SLC4A10: variants seen among roughly 807,000 people sequenced by gnomAD.
The protein encoded by SLC4A10 is sodium-driven chloride bicarbonate exchanger.
Under a neutral mutation model 137.7 loss-of-function variants are expected in SLC4A10, and 42 were observed. That is an observed-to-expected ratio of 0.30 (90% CI 0.24 to 0.39). SLC4A10 has a LOEUF of 0.39. Ranked by LOEUF, SLC4A10 falls within the 10% of genes least tolerant of loss-of-function variation. SLC4A10 has a pLI of 1.00. For synonymous variants in SLC4A10, 474 were observed against 464.1 expected, an observed-to-expected ratio of 1.02 and a Z score of -0.27; for missense variants, 925 against 1,355.0, an observed-to-expected ratio of 0.68 and a Z score of 4.98.
At chr2:161,842,362 A>T (rs1219298282) in intron 4 of SLC4A10, among the ~76,000 whole-genome samples, 2 of 152,154 alleles carry the variant, frequency 1.3e-5, no homozygotes, top group Non-Finnish European at 2.9e-5. Flanking sequence ...AACTGCTTAA[A>T]ATGTCTTTTC....
At chr2:161,646,785 A>T (rs894050965) in intron 1 of SLC4A10, among the ~76,000 whole-genome samples, 2 of 152,040 alleles carry the variant, frequency 1.3e-5, no homozygotes, top group Non-Finnish European at 2.9e-5. Flanking sequence ...AGTGCCATAG[A>T]TATTTTTTAT....
chr2:161,791,678 C>A (rs1209891402), intron 2 of SLC4A10, among the ~76,000 whole-genome samples: 1 of 152,178 alleles, frequency 6.6e-6, no homozygotes, highest in African/African-American at 2.4e-5. Flanking sequence ...AGAATTAACT[C>A]TCAGATGTTC....
intron 4 of SLC4A10, 25 bp downstream of exon 4, chr2:161,839,952 A>G (rs1403252079): frequency 6.2e-7 from 1 of 1,611,028 alleles, no homozygotes; most frequent in Non-Finnish European, 8.5e-7. Flanking sequence ...TAAAGGGTGA[A>G]GGTATACTAA....
At chr2:161,720,121 C>T (rs546255627) in intron 1 of SLC4A10, among the ~76,000 whole-genome samples, 7 of 152,066 alleles carry the variant, frequency 4.6e-5, no homozygotes, top group African/African-American at 7.2e-5. Context: ...ATGGCTAGCC[C>T]GTTTTCCCAG....
At position 161,949,079 on chromosome 2, in the gene SLC4A10, G is replaced by A; in HGVS notation, c.2266-69G>A. 3 of 977,244 alleles carry A rather than the reference G, an allele frequency of 3.1e-6. No individual in the cohort carries two copies. In the South Asian group the frequency reaches 4.2e-5, roughly 14 times the overall value. The allele number at this position is 977,244 out of a possible 1,614,324, so 60.5% of individuals were successfully genotyped here. ...AAAGTGTTTATAAAGTGTGACTCTAGATTATGTTCCTGAGTATTCCTTGAT... is the reference window on the plus strand; with the variant it reads ...AAAGTGTTTATAAAGTGTGACTCTAAATTATGTTCCTGAGTATTCCTTGAT... On this transcript the variant is annotated intron_variant, in intron 17 of 26. Coordinates refer to ENST00000446997, the MANE Select transcript of SLC4A10 (RefSeq NM_001178015.2).
chr2:161,897,017 T>C (rs2063576631), intron 11 of SLC4A10, among the ~76,000 whole-genome samples: 1 of 152,104 alleles, frequency 6.6e-6, no homozygotes. Flanking sequence ...GACTTAATCA[T>C]ATTATATAGA....
At position 161,851,433 on chromosome 2, in the gene SLC4A10, C is replaced by T. The variant is rs148849167; in HGVS notation, c.417-3537C>T. ...TATATATTTAGGATAGTTAAGTCTT[C>T]TTGTTTAATTGAACACTTTATTTTT... On this transcript the variant is annotated intron_variant, in intron 4 of 26. Coordinates refer to ENST00000446997, the MANE Select transcript of SLC4A10 (RefSeq NM_001178015.2). Among the ~76,000 whole-genome samples the T allele has an allele frequency of 3.5e-3, 534 of 152,250 alleles. 3 individuals carry two copies. The highest frequency in any genetic ancestry group is 0.011 in the African/African-American group (462 of 41,542).
chr2:161,737,892 C>T (rs28818009), intron 1 of SLC4A10, among the ~76,000 whole-genome samples: 1,859 of 152,182 alleles, frequency 0.012, 32 homozygotes, highest in African/African-American at 0.042. Context: ...GGATAGAACA[C>T]GAAAAACATG....
rs1482998680 is a variant in SLC4A10, at chr2:161,957,084, C to T, written c.2637C>T (p.Val879=). The change falls in exon 20 of 27, where the codon GTC becomes GTT. Residue 879 remains valine, a synonymous_variant. Coordinates refer to ENST00000446997, the MANE Select transcript of SLC4A10 (RefSeq NM_001178015.2). Reference sequence around the variant, plus strand: ...TGCCATGGTTTGTGGCTGCCACAGTCCTCTCCATCACTCATGTCAATAGCC... The same window carrying T: ...TGCCATGGTTTGTGGCTGCCACAGTTCTCTCCATCACTCATGTCAATAGCC... ...MGLPWFVAAT[V]LSITHVNSLK... is the part of the protein sequence containing the mutation. The T allele has an allele frequency of 6.2e-7, 1 of 1,613,132 alleles. No individual in the cohort carries two copies. Among genetic ancestry groups the T allele is most frequent in the African/African-American group, 1.3e-5 (1 of 74,878 alleles).
chr2:161,766,562 C>T (rs900539360), intron 1 of SLC4A10, among the ~76,000 whole-genome samples: 9 of 152,226 alleles, frequency 5.9e-5, no homozygotes, highest in African/African-American at 1.9e-4. Flanking sequence ...TAGCTTTTGG[C>T]ATTCTGCCTA....
At chr2:161,910,146 T>A (rs956679192) in intron 15 of SLC4A10, among the ~76,000 whole-genome samples, 8 of 152,154 alleles carry the variant, frequency 5.3e-5, no homozygotes, top group Non-Finnish European at 1.2e-4. Context: ...TATTTCAGAT[T>A]TTTTATACTT....
At chr2:161,943,740 G>T (rs1412788943) in intron 16 of SLC4A10, among the ~76,000 whole-genome samples, 1 of 151,782 alleles carries the variant, frequency 6.6e-6, no homozygotes, top group Non-Finnish European at 1.5e-5. Flanking sequence ...ACCCATATAG[G>T]CTCAAGTTTT....
At chr2:161,736,823 T>A (rs1269397007) in intron 1 of SLC4A10, among the ~76,000 whole-genome samples, 3 of 152,140 alleles carry the variant, frequency 2.0e-5, no homozygotes, top group African/African-American at 7.2e-5. Flanking sequence ...GTCATCTCTC[T>A]TAAACATCCT....
Position 161,828,301 on chromosome 2 carries a change from T to C in SLC4A10, c.278-11488T>C, listed in dbSNP as rs189781748. On this transcript the variant is annotated intron_variant, in intron 3 of 26. Transcript: ENST00000446997. ...CATGACTCACTTGTTCCTTTACTTC[T>C]GCCTGCAGATCTGCTTTTTGGAATT... is the stretch of plus-strand genomic sequence containing the variant. 2.6e-5 allele frequency among the ~76,000 whole-genome samples: 4 copies of C among 152,278 alleles called. No homozygotes were observed. In the East Asian group the frequency reaches 7.7e-4, roughly 29 times the overall value.
chr2:161,905,524 G>T, intron 14 of SLC4A10, 118 bp from the exon 15 acceptor site: 1 of 1,363,364 alleles, frequency 7.3e-7, no homozygotes, highest in Non-Finnish European at 1.0e-6. Flanking sequence ...AGATACTCAT[G>T]GGATGTGAAG....
chr2:161,745,760 A>C (rs1163930592), intron 1 of SLC4A10, among the ~76,000 whole-genome samples: 1 of 152,146 alleles, frequency 6.6e-6, no homozygotes, highest in East Asian at 1.9e-4. Flanking sequence ...CTAAGTCTGC[A>C]ATTGCTGTAG....
intron 4 of SLC4A10, 112 bp from the exon 5 acceptor site, chr2:161,854,858 T>C: frequency 2.8e-6 from 3 of 1,090,354 alleles, no homozygotes; most frequent in Non-Finnish European, 3.7e-6. Flanking sequence ...CCAAAACCTA[T>C]GAACCAAGAC....
intron 21 of SLC4A10, among the ~76,000 whole-genome samples, chr2:161,959,729 A>G (rs928698573): frequency 1.3e-5 from 2 of 152,348 alleles, no homozygotes; most frequent in Admixed American, 1.3e-4. Context: ...GTTAGAGGCT[A>G]TCCACTACTA....
intron 10 of SLC4A10, among the ~76,000 whole-genome samples, chr2:161,889,425 G>A (rs762367371): frequency 1.4e-4 from 21 of 152,150 alleles, no homozygotes; most frequent in Non-Finnish European, 2.5e-4. Context: ...GCTTTTTTTG[G>A]TTGGTAGGCT....
Sources: gnomAD v4.1 joint callset for allele counts (sites outside exome capture counted in the v4.1 genomes callset) on GRCh38, gnomAD v4.1.1 for gene constraint, MANE v1.5 for transcripts, NCBI Gene and HGNC (gene_info 2026-07-23, HGNC 2026-07-21) for gene names.